WWOX: variants seen among roughly 807,000 people sequenced by gnomAD.
WWOX encodes WW domain-containing oxidoreductase.
Under a neutral mutation model 46.2 loss-of-function variants are expected in WWOX, and 69 were observed. The observed-to-expected ratio is 1.49, with a 90% CI of 1.23 to 1.82. The LOEUF (loss-of-function observed/expected upper bound fraction) is 1.82, where lower values mean the gene tolerates loss of function less well. Ranked by LOEUF, WWOX falls within the 40% of genes most tolerant of loss-of-function variation. WWOX has a pLI of 0.00. For synonymous variants in WWOX, 359 were observed against 202.6 expected (o/e 1.77, Z -6.56); for missense variants, 919 against 542.6 (o/e 1.69, Z -6.89).
At position 78,370,976 on chromosome 16, in the gene WWOX, A is replaced by ATGTCTTTTTTTTTTTTTTTTTTT. The variant is rs776317489; in HGVS notation, c.517-15883_517-15882insGTCTTTTTTTTTTTTTTTTTTTT. On this transcript the variant is annotated intron_variant, in intron 5 of 8. Coordinates refer to ENST00000566780, the MANE Select transcript of WWOX (RefSeq NM_016373.4). Reference sequence around the variant, plus strand: ...CAGGTTGCTCTGAGACTGTGTTGTGATTTCTTTTTTTTTTTTTTTTACTTG... The same window carrying ATGTCTTTTTTTTTTTTTTTTTTT: ...CAGGTTGCTCTGAGACTGTGTTGTGATGTCTTTTTTTTTTTTTTTTTTTTTTCTTTTTTTTTTTTTTTTACTTG... Among the ~76,000 whole-genome samples, 2 of 128,588 alleles carry ATGTCTTTTTTTTTTTTTTTTTTT rather than the reference A, an allele frequency of 1.6e-5. 1 individual carries two copies. Among genetic ancestry groups the ATGTCTTTTTTTTTTTTTTTTTTT allele is most frequent in the African/African-American group, 5.8e-5 (2 of 34,696 alleles). 84.4% of individuals were successfully genotyped at this position (128,588 alleles called of 152,430 possible).
At chr16:79,187,011 A>T (rs2051029162) in intron 8 of WWOX, among the ~76,000 whole-genome samples, 1 of 152,180 alleles carries the variant, frequency 6.6e-6, no homozygotes, top group African/African-American at 2.4e-5. Context: ...AGAAAATATA[A>T]ATTGTGCAGT....
chr16:78,619,182 T>A (rs867675120), intron 8 of WWOX, among the ~76,000 whole-genome samples: 398 of 15,940 alleles, frequency 0.025, 137 homozygotes, highest in Middle Eastern at 0.071. Flanking sequence ...TATATATATA[T>A]ATATATATAT....
At chr16:78,435,988 G>T (rs2083326623) in intron 8 of WWOX, among the ~76,000 whole-genome samples, 1 of 152,306 alleles carries the variant, frequency 6.6e-6, no homozygotes, top group Admixed American at 6.5e-5. Context: ...TAGAACTGAG[G>T]AAGTGAATTT....
chr16:78,510,517 C>A (rs936960892), intron 8 of WWOX, among the ~76,000 whole-genome samples: 1 of 152,100 alleles, frequency 6.6e-6, no homozygotes. Flanking sequence ...CGGCCACTTT[C>A]ATCTTTCTGA....
chr16:78,145,200 G>T (rs2034156277), intron 4 of WWOX, among the ~76,000 whole-genome samples: 1 of 152,120 alleles, frequency 6.6e-6, no homozygotes, highest in South Asian at 2.1e-4. Context: ...AGTGTATTAG[G>T]GTTCTCTAGA....
At chr16:78,592,297 C>A (rs1272625920) in intron 8 of WWOX, among the ~76,000 whole-genome samples, 2 of 152,044 alleles carry the variant, frequency 1.3e-5, no homozygotes, top group African/African-American at 2.4e-5. Context: ...GTGTCTTCTG[C>A]CAAGATGTGG....
intron 8 of WWOX, among the ~76,000 whole-genome samples, chr16:78,931,135 C>A (rs1378886214): frequency 6.6e-6 from 1 of 152,174 alleles, no homozygotes; most frequent in Non-Finnish European, 1.5e-5. Flanking sequence ...AAGGTCCTAT[C>A]ATTGTCCTTA....
At chr16:78,653,431 C>G (rs972717995) in intron 8 of WWOX, among the ~76,000 whole-genome samples, 1 of 152,178 alleles carries the variant, frequency 6.6e-6, no homozygotes, top group Non-Finnish European at 1.5e-5. Flanking sequence ...TAGTCTAAGC[C>G]CATAATGCTG....
intron 5 of WWOX, among the ~76,000 whole-genome samples, chr16:78,188,519 G>T (rs988895693): frequency 6.6e-6 from 1 of 151,332 alleles, no homozygotes; most frequent in African/African-American, 2.4e-5. Context: ...TAGATTGTTT[G>T]CCTCAGTTGG....
chr16:78,989,527 A>C (rs2046843208), intron 8 of WWOX, among the ~76,000 whole-genome samples: 1 of 152,208 alleles, frequency 6.6e-6, no homozygotes, highest in Admixed American at 6.5e-5. Flanking sequence ...TGGGGCCAGC[A>C]GTGGACTCCT....
intron 8 of WWOX, among the ~76,000 whole-genome samples, chr16:79,034,428 C>T (rs1340824495): frequency 1.3e-5 from 2 of 152,204 alleles, no homozygotes; most frequent in African/African-American, 4.8e-5. Context: ...TATACACTGC[C>T]TGGGCCTTGT....
rs1481963759 is a variant in WWOX at position 78,825,627 on chromosome 16, G to A, written c.1057-385981G>A. ...CCTAGGAGGGCTTACTGTGCGGAGGGCCTGCGATGGTGGGCTGTGGTTCAT... is the reference window on the plus strand; with the variant it reads ...CCTAGGAGGGCTTACTGTGCGGAGGACCTGCGATGGTGGGCTGTGGTTCAT... On this transcript the variant is annotated intron_variant, in intron 8 of 8. Coordinates refer to ENST00000566780, the MANE Select transcript of WWOX (RefSeq NM_016373.4). 2.7e-5 allele frequency: 14 copies of A among 517,390 alleles called. 1 individual carries two copies. The highest frequency in any genetic ancestry group is 8.3e-5 in the Admixed American group (4 of 48,126). The allele number at this position is 517,390 out of a possible 1,614,324, so 32.0% of individuals were successfully genotyped here. A position where few individuals can be genotyped will look rare whatever the true frequency, so the allele number is the denominator to read the frequency against.
intron 8 of WWOX, among the ~76,000 whole-genome samples, chr16:78,786,477 G>T (rs2050458982): frequency 6.6e-6 from 1 of 152,134 alleles, no homozygotes; most frequent in Non-Finnish European, 1.5e-5. Flanking sequence ...CATGAGTTTT[G>T]AGTACTTAGT....
At chr16:78,150,266 G>T (rs530615045) in intron 4 of WWOX, among the ~76,000 whole-genome samples, 6 of 152,324 alleles carry the variant, frequency 3.9e-5, no homozygotes, top group Non-Finnish European at 8.8e-5. Context: ...ATAGGGCCAG[G>T]CATGCGGAGG....
At chr16:78,384,923 C>T (rs932039720) in intron 5 of WWOX, among the ~76,000 whole-genome samples, 1 of 152,076 alleles carries the variant, frequency 6.6e-6, no homozygotes, top group Non-Finnish European at 1.5e-5. Context: ...ATCACAAGGT[C>T]AAGAGATTGA....
chr16:78,494,832 G>A (rs1335529946), intron 8 of WWOX, among the ~76,000 whole-genome samples: 1 of 152,180 alleles, frequency 6.6e-6, no homozygotes. Context: ...CCGGAGGAAG[G>A]CCTGTCAATT....
chr16:78,707,997 A>T (rs529208507), intron 8 of WWOX, among the ~76,000 whole-genome samples: 2 of 152,140 alleles, frequency 1.3e-5, no homozygotes, highest in Non-Finnish European at 2.9e-5. Flanking sequence ...TGGTCTTCTG[A>T]CCTGAAATCC....
intron 2 of WWOX, among the ~76,000 whole-genome samples, chr16:78,109,056 GT>G (rs1462761300): frequency 1.3e-5 from 2 of 152,150 alleles, no homozygotes; most frequent in African/African-American, 2.4e-5. Flanking sequence ...AGTTTATGAT[GT>G]TTTCCTATCG....
chr16:78,739,810 C>CA (rs1468236000), intron 8 of WWOX, among the ~76,000 whole-genome samples: 1 of 152,036 alleles, frequency 6.6e-6, no homozygotes, highest in Non-Finnish European at 1.5e-5. Flanking sequence ...GATTCCATCT[C>CA]AAAAAACAAA....
Sources: gnomAD v4.1 joint callset for allele counts (sites outside exome capture counted in the v4.1 genomes callset) on GRCh38, gnomAD v4.1.1 for gene constraint, MANE v1.5 for transcripts, NCBI Gene and HGNC (gene_info 2026-07-23, HGNC 2026-07-21) for gene names.